The following MAP3K7 variants were observed in gnomAD, a reference collection of about 807,000 sequenced individuals.
MAP3K7 encodes the protein TGF-beta activated kinase 1.
A neutral mutation model predicts 84.8 loss-of-function variants in MAP3K7; 21 were observed. The observed-to-expected ratio is 0.25, with a 90% CI of 0.18 to 0.36. The LOEUF is 0.36. Among genes scored for constraint, MAP3K7 ranks in the 10% least tolerant of loss-of-function variants. The pLI, the probability that MAP3K7 is intolerant of heterozygous loss-of-function variation, is 1.00. For synonymous variants in MAP3K7, 241 were observed against 247.7 expected (o/e 0.97, Z 0.25); for missense variants, 503 against 747.7 (o/e 0.67, Z 3.82).
intron 13 of MAP3K7, among the ~76,000 whole-genome samples, chr6:90,524,694 G>A (rs1026126827): frequency 6.6e-6 from 1 of 152,114 alleles, no homozygotes; most frequent in Non-Finnish European, 1.5e-5. Flanking sequence ...TTGATAGAAG[G>A]ATCAAGATGC....
At chr6:90,524,601 G>C (rs551826409) in intron 13 of MAP3K7, among the ~76,000 whole-genome samples, 94 of 152,208 alleles carry the variant, frequency 6.2e-4, no homozygotes, top group African/African-American at 2.1e-3. Context: ...ATTCTTAGAT[G>C]GGCAAAAACT....
At chr6:90,516,778 G>A in intron 16 of MAP3K7, 97 bp from the exon 17 acceptor site, 1 of 1,041,244 alleles carries the variant, frequency 9.6e-7, no homozygotes, top group South Asian at 1.7e-5. Flanking sequence ...TTTATTCTTG[G>A]TTTATCATTT....
chr6:90,578,269 G>T (rs1017053528), intron 1 of MAP3K7, among the ~76,000 whole-genome samples: 2 of 152,044 alleles, frequency 1.3e-5, no homozygotes, highest in African/African-American at 4.8e-5. Flanking sequence ...AGTTTGTTTT[G>T]TTTTGTTTTG....
intron 3 of MAP3K7, among the ~76,000 whole-genome samples, chr6:90,567,784 T>C (rs1776759679): frequency 6.6e-6 from 1 of 152,204 alleles, no homozygotes; most frequent in Non-Finnish European, 1.5e-5. Flanking sequence ...TGTGGCACTA[T>C]TCACAATAGC....
At chr6:90,580,599 T>C (rs1763276817) in intron 1 of MAP3K7, among the ~76,000 whole-genome samples, 1 of 152,142 alleles carries the variant, frequency 6.6e-6, no homozygotes, top group Non-Finnish European at 1.5e-5. Context: ...GGATTACAGG[T>C]GTGAGCCACC....
Position 90,550,460 on chromosome 6 carries a change from C to T in MAP3K7, c.949+8G>A, listed in dbSNP as rs1285881108. 3.8e-6 allele frequency: 6 copies of T among 1,580,096 alleles called. No homozygotes were observed. In the Admixed American group the frequency reaches 5.1e-5, roughly 13 times the overall value. ...TCAAGTCAATACTCTTCCAATCTAT[C>T]CATTTACCTGTACTGGTGGCAGAGT... is the stretch of plus-strand genomic sequence containing the variant. On this transcript the variant is annotated splice_region_variant and intron_variant, in intron 9 of 16. Coordinates refer to ENST00000369329, the MANE Select transcript of MAP3K7 (RefSeq NM_145331.3).
intron 3 of MAP3K7, among the ~76,000 whole-genome samples, chr6:90,562,983 C>T (rs759059034): frequency 1.3e-5 from 2 of 152,180 alleles, no homozygotes; most frequent in Non-Finnish European, 2.9e-5. Flanking sequence ...GGACCTCCAG[C>T]AAACTCCAAC....
intron 5 of MAP3K7, 81 bp downstream of exon 5, chr6:90,559,995 G>T: frequency 6.6e-7 from 1 of 1,517,328 alleles, no homozygotes; most frequent in Non-Finnish European, 9.1e-7. Flanking sequence ...TAATGAGCTT[G>T]AATTAGAGAG....
intron 1 of MAP3K7, among the ~76,000 whole-genome samples, chr6:90,580,396 G>A (rs1054482627): frequency 1.3e-5 from 2 of 152,196 alleles, no homozygotes; most frequent in Non-Finnish European, 2.9e-5. Flanking sequence ...TCTAGTCCAA[G>A]TTCACAAATC....
rs1777486297 is a variant in MAP3K7, at chr6:90,586,982, G to A, written c.-99C>T. 3.7e-6 allele frequency: 5 copies of A among 1,369,820 alleles called. No individual in the cohort carries two copies. In the African/African-American group the frequency reaches 7.6e-5, roughly 21 times the overall value. The allele number at this position is 1,369,820 out of a possible 1,614,324, so 84.9% of individuals were successfully genotyped here. On this transcript the variant is annotated 5_prime_UTR_variant, in exon 1 of 17. Coordinates refer to ENST00000369329, the MANE Select transcript of MAP3K7 (RefSeq NM_145331.3). Reference sequence around the variant, plus strand: ...CCTCCGGACCGACCCTCAGCCTGGAGCCGCGCAGTCCTACTACCCGGCGAT... The same window carrying A: ...CCTCCGGACCGACCCTCAGCCTGGAACCGCGCAGTCCTACTACCCGGCGAT...
chr6:90,530,138 T>C (rs1775460747), intron 13 of MAP3K7, among the ~76,000 whole-genome samples: 1 of 152,212 alleles, frequency 6.6e-6, no homozygotes. Context: ...TAGTTATAAC[T>C]GCTATTATAA....
At chr6:90,521,743 C>T (rs749850842) in intron 14 of MAP3K7, among the ~76,000 whole-genome samples, 21 of 152,016 alleles carry the variant, frequency 1.4e-4, no homozygotes, top group Admixed American at 2.0e-4. Flanking sequence ...CCCTCTACTG[C>T]GTCTAGATCT....
At chr6:90,549,080 C>T (rs1416449444) in intron 9 of MAP3K7, among the ~76,000 whole-genome samples, 3 of 151,942 alleles carry the variant, frequency 2.0e-5, no homozygotes, top group Admixed American at 1.3e-4. Flanking sequence ...ACTGATGATG[C>T]AAGAGACAGG....
intron 11 of MAP3K7, among the ~76,000 whole-genome samples, chr6:90,545,243 G>A (rs157682): frequency 0.35 from 52,797 of 151,804 alleles, 9,415 homozygotes; most frequent in South Asian, 0.42. Flanking sequence ...CTGTCAAAAG[G>A]CTGGAAAGTA....
intron 3 of MAP3K7, among the ~76,000 whole-genome samples, chr6:90,564,006 A>C (rs1318919850): frequency 6.6e-6 from 1 of 152,214 alleles, no homozygotes; most frequent in Non-Finnish European, 1.5e-5. Flanking sequence ...TCCTTTACAG[A>C]CAAACAAATG....
chr6:90,544,828 C>A (rs1265688880), intron 11 of MAP3K7, among the ~76,000 whole-genome samples, 196 bp from the exon 12 acceptor site: 1 of 151,960 alleles, frequency 6.6e-6, no homozygotes, highest in Non-Finnish European at 1.5e-5. Context: ...CTACCAAATA[C>A]AAGATGTTTT....
In MAP3K7 at chr6:90,517,107, T is replaced by G. The variant is rs540194337; in HGVS notation, c.1641-426A>C. 3.3e-5 allele frequency among the ~76,000 whole-genome samples: 5 copies of G among 151,914 alleles called. No homozygotes were observed. The East Asian group carries it at 9.7e-4, about 29-fold the overall frequency. ...AATCCTACTTAACTATAGCAGAGAGTGGTAAGCTAATAGCAAATTTGCAAT... is the reference window on the plus strand; with the variant it reads ...AATCCTACTTAACTATAGCAGAGAGGGGTAAGCTAATAGCAAATTTGCAAT... On this transcript the variant is annotated intron_variant, in intron 16 of 16. Coordinates refer to ENST00000369329, the MANE Select transcript of MAP3K7 (RefSeq NM_145331.3).
chr6:90,581,105 G>T (rs1777255868), intron 1 of MAP3K7, among the ~76,000 whole-genome samples: 1 of 152,082 alleles, frequency 6.6e-6, no homozygotes, highest in Non-Finnish European at 1.5e-5. Context: ...TATTTTTAAA[G>T]AAATTCCTTT....
chr6:90,563,122 AG>A (rs1776582401), intron 3 of MAP3K7, among the ~76,000 whole-genome samples: 1 of 152,256 alleles, frequency 6.6e-6, no homozygotes, highest in South Asian at 2.1e-4. Context: ...AAAAATGGGG[AG>A]AAACCAGAGC....
Sources: allele counts gnomAD v4.1 joint callset (sites outside exome capture counted in the v4.1 genomes callset), GRCh38; gene constraint gnomAD v4.1.1; transcripts MANE v1.5; gene names NCBI Gene and HGNC (gene_info 2026-07-23, HGNC 2026-07-21).